The following EHMT1 variants were observed in gnomAD, a reference collection of about 807,000 sequenced individuals.
The protein encoded by EHMT1 is histone-lysine N-methyltransferase EHMT1.
EHMT1 carries 15 observed loss-of-function variants against 147.2 expected under a neutral mutation model. That is an observed-to-expected ratio of 0.10 (90% CI 0.07 to 0.16). The LOEUF (loss-of-function observed/expected upper bound fraction) is 0.16. Among genes scored for constraint, EHMT1 ranks in the 10% least tolerant of loss-of-function variants. EHMT1 has a pLI of 1.00. For missense variants in EHMT1, 1,587 were observed against 1,772.4 expected (o/e 0.90, Z 1.88); for synonymous variants, 795 against 709.6 (o/e 1.12, Z -1.91).
In EHMT1 at chr9:137,776,899, A is replaced by T; in HGVS notation, c.2018+55A>T. On this transcript the variant is annotated intron_variant, in intron 12 of 26. Transcript: ENST00000460843. The surrounding 1 kb of genome is among the most constrained non-coding windows in gnomAD (Gnocchi z 4.4). ...CCAGTCGTCCACCTGAAAAAGTTTC[A>T]GTTGTTAACTCAACGTTATTGCTTC... 3 of 1,547,294 alleles carry T rather than the reference A, an allele frequency of 1.9e-6. No homozygotes were observed. Among genetic ancestry groups the T allele is most frequent in the Non-Finnish European group, 2.7e-6 (3 of 1,127,654 alleles).
intron 15 of EHMT1, chr9:137,784,033 T>C: frequency 1.4e-6 from 1 of 720,522 alleles, no homozygotes; most frequent in South Asian, 1.7e-5. Flanking sequence ...GCTGTCTTAG[T>C]CCATTTTCTC....
chr9:137,800,567 G>A (rs1357375204), intron 17 of EHMT1: 7 of 438,262 alleles, frequency 1.6e-5, no homozygotes, highest in Non-Finnish European at 4.2e-6. Flanking sequence ...GTTGCACGCA[G>A]CTGTGTTGGT....
chr9:137,620,709 G>C (rs757041368), intron 1 of EHMT1, among the ~76,000 whole-genome samples: 24 of 152,188 alleles, frequency 1.6e-4, no homozygotes, highest in Non-Finnish European at 2.5e-4. Flanking sequence ...TTCCTGTTTA[G>C]CTGAGGAGGA....
intron 1 of EHMT1, chr9:137,697,119 A>AT (rs1459706975): frequency 2.5e-6 from 1 of 396,864 alleles, no homozygotes; most frequent in Non-Finnish European, 5.2e-6. Context: ...TGTCTCTACT[A>AT]AAAGTGCAAA....
chr9:137,699,566 T>C (rs1312686553), intron 1 of EHMT1, among the ~76,000 whole-genome samples: 1 of 152,042 alleles, frequency 6.6e-6, no homozygotes, highest in African/African-American at 2.4e-5. Flanking sequence ...TCCCAGCTAC[T>C]TGGGAGGCTG....
At chr9:137,638,657 GA>G (rs1436866053) in intron 1 of EHMT1, among the ~76,000 whole-genome samples, 1 of 152,114 alleles carries the variant, frequency 6.6e-6, no homozygotes, top group Non-Finnish European at 1.5e-5. Flanking sequence ...ACCTTATTTG[GA>G]AATAGGGTCA....
Position 137,776,610 on chromosome 9 carries a change from A to G in EHMT1, c.1792-8A>G. The G allele has an allele frequency of 6.2e-7, 1 of 1,613,612 alleles. No individual in the cohort carries two copies. Among genetic ancestry groups the G allele is most frequent in the Non-Finnish European group, 8.5e-7 (1 of 1,179,900 alleles). ...AACAAAAATTTTTTTTTGTCCTCCC[A>G]TTTTTAGGGTAATTTTATGGAGTGT... On this transcript the variant is annotated splice_polypyrimidine_tract_variant and splice_region_variant and intron_variant, in intron 11 of 26. Transcript: ENST00000460843. This position sits in a 1 kb window ranked among gnomAD's most constrained non-coding sequence, Gnocchi z 4.4.
At chr9:137,703,036 T>G (rs1183305806) in intron 1 of EHMT1, among the ~76,000 whole-genome samples, 2 of 152,224 alleles carry the variant, frequency 1.3e-5, no homozygotes, top group Non-Finnish European at 2.9e-5. Context: ...TGTAGAAGCC[T>G]TGGTAGCTGC....
chr9:137,811,722 G>T, intron 19 of EHMT1, 107 bp downstream of exon 19: 1 of 1,432,194 alleles, frequency 7.0e-7, no homozygotes. Flanking sequence ...AGTGGACACA[G>T]GCCCTCTGTT....
intron 1 of EHMT1, among the ~76,000 whole-genome samples, chr9:137,706,856 C>T (rs1448275147): frequency 1.3e-5 from 2 of 152,008 alleles, no homozygotes; most frequent in Non-Finnish European, 2.9e-5. Context: ...GAGTTTTGCT[C>T]TTTTGCCCAG....
chr9:137,667,845 A>C (rs1273808564), intron 1 of EHMT1, among the ~76,000 whole-genome samples: 2 of 152,172 alleles, frequency 1.3e-5, no homozygotes, highest in Non-Finnish European at 2.9e-5. Context: ...GAAATCTTAT[A>C]GGAATTTGTC....
intron 4 of EHMT1, among the ~76,000 whole-genome samples, chr9:137,742,747 C>T (rs1162405198): frequency 6.6e-6 from 1 of 152,202 alleles, no homozygotes; most frequent in Non-Finnish European, 1.5e-5. Context: ...TAGCTCCAGG[C>T]ACTGTCTTTC....
intron 4 of EHMT1, among the ~76,000 whole-genome samples, chr9:137,733,213 C>A (rs925206023): frequency 6.6e-6 from 1 of 152,188 alleles, no homozygotes; most frequent in East Asian, 1.9e-4. Flanking sequence ...TGGGGATGGC[C>A]GTGCTGAATC....
At chr9:137,761,931 T>A (rs11137206) in intron 9 of EHMT1, among the ~76,000 whole-genome samples, 43,774 of 152,138 alleles carry the variant, frequency 0.29, 6,747 homozygotes, top group Admixed American at 0.41. Context: ...TTCCTGGCGG[T>A]GCCCTCCACC....
chr9:137,687,027 C>T (rs112985452), intron 1 of EHMT1, among the ~76,000 whole-genome samples: 1 of 152,156 alleles, frequency 6.6e-6, no homozygotes, highest in African/African-American at 2.4e-5. Context: ...CCGCGCTGGC[C>T]CCAACTTCAT....
chr9:137,753,801 A>G (rs1488115849), intron 7 of EHMT1, among the ~76,000 whole-genome samples: 1 of 152,092 alleles, frequency 6.6e-6, no homozygotes, highest in Non-Finnish European at 1.5e-5. Context: ...AAGCAAGCCG[A>G]GCGTTGATTG....
At chr9:137,633,123 A>T (rs1295571611) in intron 1 of EHMT1, among the ~76,000 whole-genome samples, 4 of 152,040 alleles carry the variant, frequency 2.6e-5, no homozygotes. Flanking sequence ...TCTCTGCTTG[A>T]ACGGAAGGGT....
chr9:137,795,187 C>G (rs561130995), intron 16 of EHMT1: 4 of 152,204 alleles, frequency 2.6e-5, no homozygotes, highest in Non-Finnish European at 5.9e-5. Flanking sequence ...ACAAAAACAT[C>G]GGTAAGCTTC....
Position 137,744,092 on chromosome 9 carries a change from T to C in EHMT1, c.1170+2T>C, listed in dbSNP as rs761775030. The C allele has an allele frequency of 6.2e-7, 1 of 1,613,924 alleles. No individual in the cohort carries two copies. The highest frequency in any genetic ancestry group is 2.2e-5 in the East Asian group (1 of 44,868). ...TCGGAGGCTGATCGCGCCCAGAAGG[T>C]ATGTGTTGCTGTCTTGGGTGACAGC... On this transcript the variant is annotated splice_donor_variant, in intron 6 of 26. Coordinates refer to ENST00000460843, the MANE Select transcript of EHMT1 (RefSeq NM_024757.5). LOFTEE classifies it high-confidence loss of function.
Sources: gnomAD v4.1 joint callset for allele counts (sites outside exome capture counted in the v4.1 genomes callset) on GRCh38, gnomAD v4.1.1 for gene constraint, Gnocchi (gnomAD v3.1) non-coding constraint, MANE v1.5 for transcripts, NCBI Gene and HGNC (gene_info 2026-07-23, HGNC 2026-07-21) for gene names.